MCM9: variants seen among roughly 807,000 people sequenced by gnomAD.
The protein encoded by MCM9 is minichromosome maintenance 9 homologous recombination repair factor, also known as DNA helicase MCM9.
MCM9 carries 55 observed loss-of-function variants against 72.8 expected under a neutral mutation model. That is an observed-to-expected ratio of 0.76 (90% confidence interval 0.61 to 0.95). The LOEUF is 0.95. Among genes scored for constraint, MCM9 ranks in the 40% least tolerant of loss-of-function variants. The pLI is 0.00. For synonymous variants in MCM9, 480 were observed against 503.4 expected (o/e 0.95, Z 0.62); for missense variants, 1,279 against 1,377.0 (o/e 0.93, Z 1.13).
chr6:118,911,935 T>C, intron 7 of MCM9, 166 bp from the exon 8 acceptor site: 1 of 509,282 alleles, frequency 2.0e-6, no homozygotes. Flanking sequence ...AAACAGTCCT[T>C]AATTGATTAC....
chr6:118,851,203 C>T (rs1015405414), intron 9 of MCM9, among the ~76,000 whole-genome samples: 1 of 151,758 alleles, frequency 6.6e-6, no homozygotes, highest in South Asian at 2.1e-4. Flanking sequence ...CATTTCAAAT[C>T]AAAAGCAGCT....
Position 118,814,181 on chromosome 6 carries a change from A to G in MCM9, c.*643T>C, listed in dbSNP as rs1773270614. 3 of 152,202 alleles carry G rather than the reference A, an allele frequency of 2.0e-5. No individual in the cohort carries two copies. In the South Asian group the frequency reaches 6.2e-4, roughly 32 times the overall value. 9.4% of individuals were successfully genotyped at this position (152,202 alleles called of 1,614,324 possible). A position where few individuals can be genotyped will look rare whatever the true frequency, so the allele number is the denominator to read the frequency against. On this transcript the variant is annotated 3_prime_UTR_variant, in exon 14 of 14. Coordinates refer to ENST00000619706, the MANE Select transcript of MCM9 (RefSeq NM_017696.3). ...AGAAAGGACAACTCAGAAGGTCAGTACTTCAGAAAGGTACTGTTTGACCAG... is the reference window on the plus strand; with the variant it reads ...AGAAAGGACAACTCAGAAGGTCAGTGCTTCAGAAAGGTACTGTTTGACCAG...
chr6:118,830,594 GTAACCCACAAAAGCACATT>G (rs1375616276), intron 9 of MCM9, among the ~76,000 whole-genome samples: 1 of 152,148 alleles, frequency 6.6e-6, no homozygotes, highest in African/African-American at 2.4e-5. Context: ...CGGTTCCTAA[GTAACCCACAAAAGCACATT>G]TAACCCACAC....
chr6:118,894,224 T>A (rs1018739356), intron 8 of MCM9: 1 of 1,414,576 alleles, frequency 7.1e-7, no homozygotes, highest in Non-Finnish European at 9.2e-7. Context: ...TTTAGTGAAA[T>A]AGGAAAGCTG....
At position 118,924,027 on chromosome 6, in the gene MCM9, C is replaced by A. The variant is rs780178089; in HGVS notation, c.405G>T (p.Leu135=). ...CCCGCTCAAACTCCAGAACCTTCAC[C>A]AGACTTGTTCGAATCACTGTCCCAG... The part of the protein sequence containing the change: ...SVTGTVIRTS[L]VKVLEFERDY... The change falls in exon 4 of 14, where the codon CTG becomes CTT. Residue 135 remains leucine (L), a synonymous_variant. Transcript: ENST00000619706. 4.3e-6 allele frequency: 7 copies of A among 1,614,180 alleles called. No individual in the cohort carries two copies. Among genetic ancestry groups the A allele is most frequent in the Non-Finnish European group, 5.9e-6 (7 of 1,180,036 alleles).
chr6:118,891,573 G>A (rs1778945568), intron 8 of MCM9, among the ~76,000 whole-genome samples: 3 of 152,050 alleles, frequency 2.0e-5, no homozygotes, highest in Admixed American at 2.0e-4. Flanking sequence ...TGTGACCCTT[G>A]TGCTTCTCTG....
At chr6:118,868,598 G>A (rs753864738) in intron 8 of MCM9, among the ~76,000 whole-genome samples, 16 of 151,964 alleles carry the variant, frequency 1.1e-4, no homozygotes, top group East Asian at 3.9e-4. Context: ...ATCAAAAAGC[G>A]GGCAAAGGAT....
At chr6:118,930,650 G>A (rs1782345002) in intron 3 of MCM9, among the ~76,000 whole-genome samples, 1 of 152,210 alleles carries the variant, frequency 6.6e-6, no homozygotes, top group Admixed American at 6.5e-5. Flanking sequence ...GGCTCAGTGA[G>A]ATAAAATAAC....
chr6:118,915,994 TAATA>T (rs1385915460), intron 6 of MCM9, among the ~76,000 whole-genome samples: 2 of 152,056 alleles, frequency 1.3e-5, no homozygotes, highest in South Asian at 4.1e-4. Flanking sequence ...TGTGACACTG[TAATA>T]AATAAATAAA....
At chr6:118,917,125 A>G (rs1781027240) in intron 6 of MCM9, among the ~76,000 whole-genome samples, 1 of 152,206 alleles carries the variant, frequency 6.6e-6, no homozygotes, top group African/African-American at 2.4e-5. Context: ...ATCTTCTCTC[A>G]TCTTTTTCCT....
chr6:118,842,097 T>G (rs1323615715), intron 9 of MCM9, among the ~76,000 whole-genome samples: 1 of 152,234 alleles, frequency 6.6e-6, no homozygotes, highest in African/African-American at 2.4e-5. Context: ...CCTCACAAAG[T>G]GCTGGCATTA....
intron 10 of MCM9, among the ~76,000 whole-genome samples, chr6:118,828,760 G>A (rs566926689): frequency 6.6e-6 from 1 of 152,302 alleles, no homozygotes; most frequent in African/African-American, 2.4e-5. Context: ...ATATGCAAGA[G>A]GTGAGCGTTA....
chr6:118,893,538 G>A (rs1221896248), intron 8 of MCM9, among the ~76,000 whole-genome samples: 1 of 152,184 alleles, frequency 6.6e-6, no homozygotes, highest in African/African-American at 2.4e-5. Flanking sequence ...TCCAAGCACA[G>A]TGTGTAGAAA....
chr6:118,863,435 G>A (rs1249828491), intron 8 of MCM9, among the ~76,000 whole-genome samples: 1 of 152,152 alleles, frequency 6.6e-6, no homozygotes, highest in Non-Finnish European at 1.5e-5. Flanking sequence ...CATAAAAACT[G>A]CTCAAAACCA....
At position 118,930,784 on chromosome 6, in the gene MCM9, C is replaced by T. The variant is rs1782359264; in HGVS notation, c.304+636G>A. ...AATAAAAATTGTTACACTATAGTGT[C>T]ACTTTTCCCTAAAATTCTTAAGTCA... On this transcript the variant is annotated intron_variant, in intron 3 of 13. Transcript: ENST00000619706. 1.3e-5 allele frequency among the ~76,000 whole-genome samples: 2 copies of T among 152,142 alleles called. 1 individual carries two copies. The highest frequency in any genetic ancestry group is 4.1e-4 in the South Asian group (2 of 4,820).
intron 8 of MCM9, among the ~76,000 whole-genome samples, chr6:118,904,325 T>C (rs1780017891): frequency 1.3e-5 from 2 of 152,204 alleles, no homozygotes; most frequent in Admixed American, 1.3e-4. Context: ...TTTTGTATCA[T>C]CTACCTGTGT....
intron 1 of MCM9, chr6:118,934,657 C>A (rs954835739): frequency 6.6e-6 from 1 of 152,186 alleles, no homozygotes; most frequent in Admixed American, 6.5e-5. Context: ...CGTGGAGTCG[C>A]TCGGTTTTGG....
chr6:118,827,749 T>A (rs1174356557), intron 11 of MCM9, among the ~76,000 whole-genome samples, 178 bp downstream of exon 11: 1 of 152,150 alleles, frequency 6.6e-6, no homozygotes, highest in Admixed American at 6.6e-5. Flanking sequence ...CAGTCAATAC[T>A]CATAATCTGT....
intron 8 of MCM9, chr6:118,907,880 A>T (rs1373022471): frequency 2.7e-5 from 8 of 291,560 alleles, no homozygotes; most frequent in Non-Finnish European, 5.1e-5. Context: ...TCTCCTTTAT[A>T]TGTAATGAAA....
Sources: gnomAD v4.1 joint callset for allele counts (sites outside exome capture counted in the v4.1 genomes callset) on GRCh38, gnomAD v4.1.1 for gene constraint, MANE v1.5 for transcripts, NCBI Gene and HGNC (gene_info 2026-07-23, HGNC 2026-07-21) for gene names.